KPNA7: variants seen among roughly 807,000 people sequenced by gnomAD.
KPNA7 encodes karyopherin subunit alpha 7.
Under a neutral mutation model 53.7 loss-of-function variants are expected in KPNA7, and 54 were observed. That is an observed-to-expected ratio of 1.01 (90% CI 0.81 to 1.26). The LOEUF (loss-of-function observed/expected upper bound fraction) is 1.26, where lower values mean the gene tolerates loss of function less well. Ranked by LOEUF, KPNA7 falls within the 50% of genes most tolerant of loss-of-function variation. The probability of loss-of-function intolerance (pLI) is 0.00; values close to 1 mark genes in which losing one functional copy is unlikely to be tolerated. For missense variants in KPNA7, 640 were observed against 644.5 expected (o/e 0.99, Z 0.07); for synonymous variants, 276 against 259.3 (o/e 1.06, Z -0.62).
At chr7:99,194,452 C>CA (rs1790125517) in intron 5 of KPNA7, among the ~76,000 whole-genome samples, 1 of 152,164 alleles carries the variant, frequency 6.6e-6, no homozygotes, top group Non-Finnish European at 1.5e-5. Flanking sequence ...TAAACTCCCA[C>CA]ACTGCATAAG....
chr7:99,188,190 A>AG lies in KPNA7; in HGVS notation c.900+109_900+110insC. 3.5e-4 allele frequency: 353 copies of AG among 1,018,092 alleles called. 2 individuals carry two copies. Among genetic ancestry groups the AG allele is most frequent in the Non-Finnish European group, 4.1e-4 (302 of 734,980 alleles). 63.1% of individuals were successfully genotyped at this position (1,018,092 alleles called of 1,614,324 possible). A position where few individuals can be genotyped will look rare whatever the true frequency, so the allele number is the denominator to read the frequency against. On this transcript the variant is annotated intron_variant, in intron 7 of 10. Transcript: ENST00000327442. ...ACTCTGTCTCAAAAAAAAAAAAAAA[A>AG]AAAAAAAAGCAAAGACCAGGGAAAT...
chr7:99,194,178 A>G (rs1471047829), intron 5 of KPNA7, among the ~76,000 whole-genome samples: 1 of 152,168 alleles, frequency 6.6e-6, no homozygotes, highest in African/African-American at 2.4e-5. Flanking sequence ...TTTTCCCTAG[A>G]AAGTCACTGG....
the KPNA7 span, among the ~76,000 whole-genome samples, chr7:99,160,017 G>GT: frequency 0.085 from 5,758 of 67,454 alleles, 701 homozygotes; most frequent in African/African-American, 0.16. Context: ...TGTTGTTTTT[G>GT]TTTTTTTTTT....
At chr7:99,215,656 G>A (rs1053499695) in intron 1 of KPNA7, among the ~76,000 whole-genome samples, 7 of 152,034 alleles carry the variant, frequency 4.6e-5, no homozygotes, top group Admixed American at 6.6e-5. Flanking sequence ...TGTTGGCAGC[G>A]ACCAGGAGAG....
At chr7:99,148,500 C>T in the KPNA7 span, among the ~76,000 whole-genome samples, 1 of 152,250 alleles carries the variant, frequency 6.6e-6, no homozygotes, top group African/African-American at 2.4e-5. Flanking sequence ...TGCAAATACA[C>T]ATCAAAATTT....
In KPNA7 at chr7:99,218,308, C is replaced by CT. The variant is rs563947194; in HGVS notation, c.-23-10820dup. On this transcript the variant is annotated intron_variant, in intron 1 of 10. Coordinates refer to the KPNA7 transcript ENST00000681060. ...GGCTGATTTTTTCAAATTTTTTTTTCTTTTTTTTGTAGAAACAGGGTCTTT... is the reference window on the plus strand; with the variant it reads ...GGCTGATTTTTTCAAATTTTTTTTTCTTTTTTTTTGTAGAAACAGGGTCTTT... Among the ~76,000 whole-genome samples the CT allele has an allele frequency of 1.0e-3, 156 of 151,392 alleles. 2 individuals carry two copies. The South Asian group carries it at 0.03, about 29-fold the overall frequency.
chr7:99,215,746 G>A (rs558375510), intron 1 of KPNA7, among the ~76,000 whole-genome samples: 1 of 152,170 alleles, frequency 6.6e-6, no homozygotes, highest in Non-Finnish European at 1.5e-5. Flanking sequence ...AGCAGTTTGG[G>A]AGGATTATTT....
At chr7:99,213,130 A>ATTTTTT (rs71108433) in intron 1 of KPNA7, among the ~76,000 whole-genome samples, 7 of 141,098 alleles carry the variant, frequency 5.0e-5, no homozygotes, top group African/African-American at 1.8e-4. Context: ...GCCAAAAGGG[A>ATTTTTT]TTTTTTTTTT....
chr7:99,217,473 A>C (rs1006338455), intron 1 of KPNA7, among the ~76,000 whole-genome samples: 10 of 152,142 alleles, frequency 6.6e-5, no homozygotes, highest in Non-Finnish European at 1.5e-4. Flanking sequence ...GGATCCCAGC[A>C]GCCTCTGCCT....
Position 99,177,945 on chromosome 7 carries a change from T to TTCAA in KPNA7, c.1435_1438dup (p.Asn480IlefsTer10). 1 of 1,552,034 alleles carries TTCAA rather than the reference T, an allele frequency of 6.4e-7. No homozygotes were observed. Among genetic ancestry groups the TTCAA allele is most frequent in the Non-Finnish European group, 8.7e-7 (1 of 1,147,076 alleles). ...CTCACCAAAGTGCTTCTCGATGATGTTCAAAGCCGACTGGCCAATTTGACG... is the reference window on the plus strand; with the variant it reads ...CTCACCAAAGTGCTTCTCGATGATGTTCAATCAAAGCCGACTGGCCAATTTGACG... On this transcript the variant is annotated frameshift_variant, in exon 10 of 11. Transcript: ENST00000327442. LOFTEE classifies it low-confidence loss of function (END_TRUNC).
At chr7:99,156,571 C>A in the KPNA7 span, among the ~76,000 whole-genome samples, 1 of 151,896 alleles carries the variant, frequency 6.6e-6, no homozygotes, top group African/African-American at 2.4e-5. Context: ...GTCACCCAGG[C>A]TGGAATGCAA....
At chr7:99,210,661 T>C (rs1791043837), upstream of KPNA7, among the ~76,000 whole-genome samples, 1 of 152,074 alleles carries the variant, frequency 6.6e-6, no homozygotes, top group South Asian at 2.1e-4. Flanking sequence ...TAATCATGGC[T>C]TACTGCAGCC....
At chr7:99,173,890 C>G in intron 10 of KPNA7, 96 bp from the exon 11 acceptor site, 1 of 725,920 alleles carries the variant, frequency 1.4e-6, no homozygotes, top group Non-Finnish European at 2.4e-6. Flanking sequence ...AATTGACCCT[C>G]TTAACCATGT....
At chr7:99,171,063 T>C (rs1798761342), downstream of KPNA7, among the ~76,000 whole-genome samples, 1 of 151,618 alleles carries the variant, frequency 6.6e-6, no homozygotes, top group African/African-American at 2.4e-5. Flanking sequence ...ATAAAAAAAA[T>C]ACAAAAATTA....
At chr7:99,170,950 C>T (rs1798759708), downstream of KPNA7, among the ~76,000 whole-genome samples, 1 of 152,150 alleles carries the variant, frequency 6.6e-6, no homozygotes, top group Non-Finnish European at 1.5e-5. Context: ...AAAACAAAGT[C>T]CATGTTTTCA....
At chr7:99,182,237 G>T (rs999662945) in intron 8 of KPNA7, among the ~76,000 whole-genome samples, 172 bp from the exon 9 acceptor site, 2 of 151,964 alleles carry the variant, frequency 1.3e-5, no homozygotes, top group Non-Finnish European at 2.9e-5. Flanking sequence ...TCACTCTGTC[G>T]CCCAGGCTGG....
At chr7:99,156,528 C>CT in the KPNA7 span, among the ~76,000 whole-genome samples, 21 of 151,286 alleles carry the variant, frequency 1.4e-4, no homozygotes, top group African/African-American at 3.4e-4. Flanking sequence ...AATTCTGATA[C>CT]TTTTTTTTTG....
At chr7:99,181,859 A>G in intron 9 of KPNA7, 24 bp downstream of exon 9, 1 of 1,492,734 alleles carries the variant, frequency 6.7e-7, no homozygotes, top group Non-Finnish European at 9.0e-7. Flanking sequence ...CTATTTACAA[A>G]CCAACCTGTT....
In KPNA7 at chr7:99,193,088, C is replaced by T. The variant is rs1334636777; in HGVS notation, c.567G>A (p.Glu189=). ...TGCTTGTGATGACGTTATCTCTGAA[C>T]TCTGGGCCATCACCTACAAATAGAG... The part of the protein sequence containing the change: ...ALGNIAGDGP[E]FRDNVITSNA... The change falls in exon 6 of 11, where the codon GAG becomes GAA. Residue 189 remains glutamate (E), a synonymous_variant. Coordinates refer to ENST00000327442, the MANE Select transcript of KPNA7 (RefSeq NM_001145715.3). 6.7e-7 allele frequency: 1 copy of T among 1,497,360 alleles called. No individual in the cohort carries two copies. The highest frequency in any genetic ancestry group is 8.9e-7 in the Non-Finnish European group (1 of 1,125,902). 92.8% of individuals were successfully genotyped at this position (1,497,360 alleles called of 1,614,324 possible). A position where few individuals can be genotyped will look rare whatever the true frequency, so the allele number is the denominator to read the frequency against.
Sources: allele counts gnomAD v4.1 joint callset (sites outside exome capture counted in the v4.1 genomes callset), GRCh38; gene constraint gnomAD v4.1.1; transcripts MANE v1.5; gene names NCBI Gene and HGNC (gene_info 2026-07-23, HGNC 2026-07-21).